TNIP2: variants seen among roughly 807,000 people sequenced by gnomAD.
TNIP2 encodes TNFAIP3 interacting protein 2.
TNIP2 carries 30 observed loss-of-function variants against 43.7 expected under a neutral mutation model. The ratio of observed to expected loss-of-function variants is 0.69; its 90% CI spans 0.51 to 0.93. TNIP2 has a LOEUF of 0.93. Ranked by LOEUF, TNIP2 falls within the 40% of genes least tolerant of loss-of-function variation. The pLI is 0.00. For missense variants in TNIP2, 599 were observed against 591.0 expected (o/e 1.01, Z -0.14); for synonymous variants, 260 against 254.6 (o/e 1.02, Z -0.20).
intron 5 of TNIP2, among the ~76,000 whole-genome samples, chr4:2,743,468 C>G (rs1225138290): frequency 6.6e-6 from 1 of 152,198 alleles, no homozygotes; most frequent in Non-Finnish European, 1.5e-5. Flanking sequence ...CTGTCCAGCC[C>G]TCTGCTGCAG....
At chr4:2,754,574 G>A (rs1046175222) in intron 1 of TNIP2, among the ~76,000 whole-genome samples, 1 of 152,098 alleles carries the variant, frequency 6.6e-6, no homozygotes, top group Non-Finnish European at 1.5e-5. Flanking sequence ...CCGCCACCAC[G>A]CCCAGCTAAT....
chr4:2,754,644 C>T (rs889512193), intron 1 of TNIP2, among the ~76,000 whole-genome samples: 1 of 152,240 alleles, frequency 6.6e-6, no homozygotes, highest in African/African-American at 2.4e-5. Context: ...TCTCAATCTC[C>T]TGACCTCGTG....
At position 2,744,429 on chromosome 4, in the gene TNIP2, C is replaced by T; in HGVS notation, c.984G>A (p.Glu328=). 1.2e-6 allele frequency: 2 copies of T among 1,614,236 alleles called. No homozygotes were observed. The highest frequency in any genetic ancestry group is 2.2e-5 in the South Asian group (2 of 91,088). Residue 328 remains glutamate, a synonymous_variant, in exon 5 of 6, where the codon GAG becomes GAA. Transcript: ENST00000315423. This position sits in a 1 kb window ranked among gnomAD's most constrained non-coding sequence, Gnocchi z 5.1. ...ERAQSRIQEL[E]EKVASLLHQV... ...GGTGCAGCAAAGAGGCGACCTTTTC[C>T]TCCAGTTCTTGAATCCTACTTTGAG...
intron 1 of TNIP2, among the ~76,000 whole-genome samples, chr4:2,753,135 T>G (rs763677663): frequency 6.6e-6 from 1 of 152,042 alleles, no homozygotes; most frequent in Non-Finnish European, 1.5e-5. Flanking sequence ...AAATGTTCCT[T>G]AAATAATTAA....
At position 2,741,960 on chromosome 4, in the gene TNIP2, A is replaced by C. The variant is rs1381422973; in HGVS notation, c.*297T>G. 1 of 283,132 alleles carries C rather than the reference A, an allele frequency of 3.5e-6. No homozygotes were observed. Among genetic ancestry groups the C allele is most frequent in the Non-Finnish European group, 6.6e-6 (1 of 152,310 alleles). The allele number at this position is 283,132 out of a possible 1,614,324, so 17.5% of individuals were successfully genotyped here. Reference sequence around the variant, plus strand: ...TAGGCAGGCTGGGGGAGGGGCTGGCACACCAGCACCAGATAGCTCTGGCTT... The same window carrying C: ...TAGGCAGGCTGGGGGAGGGGCTGGCCCACCAGCACCAGATAGCTCTGGCTT... On this transcript the variant is annotated 3_prime_UTR_variant, in exon 6 of 6. Coordinates refer to ENST00000315423, the MANE Select transcript of TNIP2 (RefSeq NM_024309.4).
chr4:2,742,653 C>G, intron 5 of TNIP2, 133 bp from the exon 6 acceptor site: 1 of 950,928 alleles, frequency 1.1e-6, no homozygotes, highest in Non-Finnish European at 1.5e-6. Context: ...CTTCCTGCTG[C>G]GCCCCAGAGC....
chr4:2,748,724 C>A (rs1722021516), intron 1 of TNIP2, among the ~76,000 whole-genome samples: 1 of 134,264 alleles, frequency 7.4e-6, no homozygotes, highest in Non-Finnish European at 1.6e-5. Context: ...GAATTCCTGA[C>A]CTTAGATGAT....
At chr4:2,745,016 G>T in intron 3 of TNIP2, 71 bp from the exon 4 acceptor site, 1 of 1,532,086 alleles carries the variant, frequency 6.5e-7, no homozygotes, top group South Asian at 1.2e-5. Context: ...CACCCAGTGT[G>T]AATTATGTAT....
At chr4:2,742,579 C>G in intron 5 of TNIP2, 59 bp from the exon 6 acceptor site, 1 of 1,444,700 alleles carries the variant, frequency 6.9e-7, no homozygotes, top group Non-Finnish European at 9.2e-7. Context: ...AAAGCCAGGT[C>G]TCAGGTTCCA....
intron 1 of TNIP2, among the ~76,000 whole-genome samples, chr4:2,753,252 G>A (rs996559007): frequency 2.6e-5 from 4 of 151,348 alleles, no homozygotes; most frequent in African/African-American, 4.9e-5. Flanking sequence ...CAGCCTGGGC[G>A]ACACAGCAAG....
At chr4:2,755,968 A>T in intron 1 of TNIP2, 46 bp downstream of exon 1, 1 of 1,490,388 alleles carries the variant, frequency 6.7e-7, no homozygotes, top group South Asian at 1.3e-5. Flanking sequence ...GGCGGCCGCC[A>T]CACGCACTCT....
intron 2 of TNIP2, 199 bp downstream of exon 2, chr4:2,747,456 C>T (rs1560645266): frequency 1.6e-6 from 1 of 622,476 alleles, no homozygotes; most frequent in East Asian, 2.8e-5. Context: ...TGGCTGCCTG[C>T]TTTCCTATTA....
In TNIP2 at chr4:2,747,935, C is replaced by A; in HGVS notation, c.287G>T (p.Arg96Met). ...TTTTTCTTCTAGTCGCTCAGTCAGC[C>A]TCTCAATTTCCTAAGTGGAAGATTT... ...AEAQMRQEIERLTERLEEKER... is the reference protein window; with the variant it reads ...AEAQMRQEIEMLTERLEEKER... The change falls in exon 2 of 6, where the codon AGG becomes ATG. Residue 96 changes from arginine (R) to methionine (M), a missense_variant. Transcript: ENST00000315423. 1 of 1,611,300 alleles carries A rather than the reference C, an allele frequency of 6.2e-7. No homozygotes were observed. Among genetic ancestry groups the A allele is most frequent in the Non-Finnish European group, 8.5e-7 (1 of 1,179,158 alleles).
At chr4:2,749,986 T>C (rs1178317517) in intron 1 of TNIP2, among the ~76,000 whole-genome samples, 2 of 152,170 alleles carry the variant, frequency 1.3e-5, no homozygotes, top group African/African-American at 4.8e-5. Flanking sequence ...AATTTCTGTA[T>C]TTTTTGCAGA....
At chr4:2,746,856 C>A (rs1486422368) in intron 2 of TNIP2, among the ~76,000 whole-genome samples, 1 of 152,246 alleles carries the variant, frequency 6.6e-6, no homozygotes, top group Non-Finnish European at 1.5e-5. Context: ...AGGTGCCTGG[C>A]ACACAGATGC....
intron 2 of TNIP2, chr4:2,746,136 G>A (rs1207900330): frequency 2.0e-5 from 3 of 153,020 alleles, no homozygotes; most frequent in Admixed American, 6.5e-5. Context: ...AGGAGTCACC[G>A]AAGCCACAAC....
intron 1 of TNIP2, among the ~76,000 whole-genome samples, chr4:2,748,652 C>G (rs1447600097): frequency 7.4e-6 from 1 of 135,186 alleles, no homozygotes; most frequent in Admixed American, 6.9e-5. Flanking sequence ...GCCACCACGC[C>G]TGGCCCAATT....
intron 5 of TNIP2, among the ~76,000 whole-genome samples, chr4:2,743,928 G>T (rs1210735710): frequency 6.6e-6 from 1 of 152,182 alleles, no homozygotes; most frequent in Non-Finnish European, 1.5e-5. Flanking sequence ...TGAGCCCAGG[G>T]GTGGGGTGAG....
intron 1 of TNIP2, among the ~76,000 whole-genome samples, chr4:2,752,540 C>T (rs1262592762): frequency 6.6e-6 from 1 of 152,136 alleles, no homozygotes; most frequent in African/African-American, 2.4e-5. Flanking sequence ...GCCCTCAGTC[C>T]CTACTGGTCC....
Sources: gnomAD v4.1 joint callset for allele counts (sites outside exome capture counted in the v4.1 genomes callset) on GRCh38, gnomAD v4.1.1 for gene constraint, Gnocchi (gnomAD v3.1) non-coding constraint, MANE v1.5 for transcripts, NCBI Gene and HGNC (gene_info 2026-07-23, HGNC 2026-07-21) for gene names.